ITGBL1: variants seen among roughly 807,000 people sequenced by gnomAD.
The protein encoded by ITGBL1 is integrin subunit beta like 1.
ITGBL1 carries 51 observed loss-of-function variants against 68.5 expected under a neutral mutation model. The ratio of observed to expected loss-of-function variants is 0.74; its 90% CI spans 0.59 to 0.94. The LOEUF is 0.94. ITGBL1 is among the 40% of genes least tolerant of loss of function. The probability of loss-of-function intolerance (pLI) is 0.00; values close to 1 mark genes in which losing one functional copy is unlikely to be tolerated. For synonymous variants in ITGBL1, 209 were observed against 227.3 expected (o/e 0.92, Z 0.72); for missense variants, 649 against 647.4 (o/e 1.00, Z -0.03).
At chr13:101,459,444 A>T (rs1047318213) in intron 2 of ITGBL1, among the ~76,000 whole-genome samples, 1 of 152,228 alleles carries the variant, frequency 6.6e-6, no homozygotes, top group South Asian at 2.1e-4. Flanking sequence ...ATTTATTCAG[A>T]CTATACGCCA....
chr13:101,714,330 G>T, intron 9 of ITGBL1, 108 bp from the exon 10 acceptor site: 1 of 735,306 alleles, frequency 1.4e-6, no homozygotes, highest in Non-Finnish European at 2.5e-6. Context: ...TTTTACCTTT[G>T]GATGATGGGT....
chr13:101,469,841 G>A (rs1003007914), intron 2 of ITGBL1, among the ~76,000 whole-genome samples: 3 of 152,176 alleles, frequency 2.0e-5, no homozygotes, highest in African/African-American at 7.2e-5. Flanking sequence ...GGCAGGTTTG[G>A]GTAGGATGAA....
intron 7 of ITGBL1, among the ~76,000 whole-genome samples, chr13:101,659,787 G>A (rs1443427600): frequency 6.6e-6 from 1 of 152,156 alleles, no homozygotes; most frequent in Non-Finnish European, 1.5e-5. Flanking sequence ...AAGTAACTAT[G>A]TATCTGTTCA....
intron 7 of ITGBL1, among the ~76,000 whole-genome samples, chr13:101,619,884 G>A (rs529247549): frequency 3.9e-5 from 6 of 152,044 alleles, no homozygotes; most frequent in Admixed American, 3.3e-4. Flanking sequence ...CTTTTTTCTT[G>A]CTTTGTCTTA....
At chr13:101,622,915 ATGTGTGTGTGTGTG>A (rs59267168) in intron 7 of ITGBL1, among the ~76,000 whole-genome samples, 1 of 148,404 alleles carries the variant, frequency 6.7e-6, no homozygotes, top group Non-Finnish European at 1.5e-5. Flanking sequence ...TGGGGTATGT[ATGTGTGTGTGTGTG>A]TGTGTGTGTG....
intron 7 of ITGBL1, among the ~76,000 whole-genome samples, chr13:101,669,138 A>G (rs112311148): frequency 0.024 from 3,631 of 152,166 alleles, 133 homozygotes; most frequent in African/African-American, 0.083. Flanking sequence ...AAGCATGGGA[A>G]ATATTTAAAT....
intron 9 of ITGBL1, among the ~76,000 whole-genome samples, chr13:101,709,620 G>A (rs1399251327): frequency 6.6e-6 from 1 of 152,106 alleles, no homozygotes. Flanking sequence ...TTGTCACTGG[G>A]ATAAGAATAG....
chr13:101,499,107 A>G (rs1449535910), intron 2 of ITGBL1, among the ~76,000 whole-genome samples: 1 of 152,140 alleles, frequency 6.6e-6, no homozygotes, highest in Admixed American at 6.5e-5. Context: ...CAGCCAAACC[A>G]TATCAGTTTC....
intron 2 of ITGBL1, among the ~76,000 whole-genome samples, chr13:101,561,183 G>A (rs1446770891): frequency 3.9e-5 from 6 of 152,044 alleles, no homozygotes; most frequent in South Asian, 2.1e-4. Flanking sequence ...ATGAAGCCCC[G>A]GGTGCTGCAG....
intron 2 of ITGBL1, chr13:101,489,989 C>A (rs1235550792): frequency 8.7e-6 from 13 of 1,491,216 alleles, no homozygotes; most frequent in African/African-American, 1.4e-5. Flanking sequence ...GTGATGGGAG[C>A]ATTTAATAAA....
At chr13:101,481,131 T>A (rs9582493) in intron 2 of ITGBL1, among the ~76,000 whole-genome samples, 80,721 of 145,032 alleles carry the variant, frequency 0.56, 22,662 homozygotes, top group Non-Finnish European at 0.61. Flanking sequence ...TATATACACA[T>A]GTGCATATAT....
Position 101,600,546 on chromosome 13 carries a change from T to C in ITGBL1, c.1015+2247T>C, listed in dbSNP as rs368811122. 8.8e-4 allele frequency among the ~76,000 whole-genome samples: 134 copies of C among 152,078 alleles called. 2 individuals carry two copies. In the East Asian group the frequency reaches 0.024, roughly 27 times the overall value. On this transcript the variant is annotated intron_variant, in intron 7 of 10. Coordinates refer to ENST00000376180, the MANE Select transcript of ITGBL1 (RefSeq NM_004791.3). ...TCAAAGGGAATGCTTCCAGTTTTTGTCCATTCAGTATGATATTGGCTGTGG... is the reference window on the plus strand; with the variant it reads ...TCAAAGGGAATGCTTCCAGTTTTTGCCCATTCAGTATGATATTGGCTGTGG...
At position 101,492,863 on chromosome 13, in the gene ITGBL1, C is replaced by T. The variant is rs115009486; in HGVS notation, c.316+38763C>T. ...GCCGAATATTAACTCTTTCTTTCTT[C>T]GCATTGCTTCTGTAATAATCCTAAA... On this transcript the variant is annotated intron_variant, in intron 2 of 10. Coordinates refer to ENST00000376180, the MANE Select transcript of ITGBL1 (RefSeq NM_004791.3). Among the ~76,000 whole-genome samples, 1,057 of 152,318 alleles carry T rather than the reference C, an allele frequency of 6.9e-3. 13 individuals carry two copies. The highest frequency in any genetic ancestry group is 0.024 in the African/African-American group (978 of 41,574).
chr13:101,689,053 A>C (rs2033819893), intron 7 of ITGBL1, among the ~76,000 whole-genome samples: 1 of 151,048 alleles, frequency 6.6e-6, no homozygotes, highest in African/African-American at 2.4e-5. Flanking sequence ...GAAAAAAAAA[A>C]AATCATCTGG....
intron 7 of ITGBL1, among the ~76,000 whole-genome samples, chr13:101,662,823 T>A (rs1437461748): frequency 8.1e-6 from 1 of 123,274 alleles, no homozygotes; most frequent in Non-Finnish European, 1.7e-5. Flanking sequence ...AAAAAGATAG[T>A]CAATATTTTT....
At chr13:101,689,725 G>A (rs768457298) in intron 7 of ITGBL1, among the ~76,000 whole-genome samples, 4 of 152,122 alleles carry the variant, frequency 2.6e-5, no homozygotes, top group Admixed American at 2.6e-4. Context: ...TTTAAAAAAT[G>A]TTGTGGATAT....
Position 101,716,277 on chromosome 13 carries a change from G to A in ITGBL1, c.*623G>A, listed in dbSNP as rs2034718629. The A allele has an allele frequency of 2.6e-5, 4 of 152,108 alleles. No homozygotes were observed. The highest frequency in any genetic ancestry group is 5.9e-5 in the Non-Finnish European group (4 of 68,030). 9.4% of individuals were successfully genotyped at this position (152,108 alleles called of 1,614,324 possible). A position where few individuals can be genotyped will look rare whatever the true frequency, so the allele number is the denominator to read the frequency against. ...ACAGGAGGTAGAATATCAGAGTGGGGCTGGATCAAGGGCAAAAACTGGTCA... is the reference window on the plus strand; with the variant it reads ...ACAGGAGGTAGAATATCAGAGTGGGACTGGATCAAGGGCAAAAACTGGTCA... On this transcript the variant is annotated 3_prime_UTR_variant, in exon 11 of 11. Coordinates refer to ENST00000376180, the MANE Select transcript of ITGBL1 (RefSeq NM_004791.3).
At chr13:101,578,886 T>A (rs2050407260) in intron 4 of ITGBL1, among the ~76,000 whole-genome samples, 1 of 152,226 alleles carries the variant, frequency 6.6e-6, no homozygotes, top group Non-Finnish European at 1.5e-5. Context: ...TATGCACCAT[T>A]GGTTTCTCAA....
intron 2 of ITGBL1, among the ~76,000 whole-genome samples, chr13:101,517,754 G>T (rs2049219057): frequency 6.6e-6 from 1 of 152,100 alleles, no homozygotes; most frequent in Non-Finnish European, 1.5e-5. Flanking sequence ...GCCAATTCAG[G>T]GTTCTTCCTT....
Sources: allele counts gnomAD v4.1 joint callset (sites outside exome capture counted in the v4.1 genomes callset), GRCh38; gene constraint gnomAD v4.1.1; transcripts MANE v1.5; gene names NCBI Gene and HGNC (gene_info 2026-07-23, HGNC 2026-07-21).